The following CDC16 variants were observed in gnomAD, a reference collection of about 807,000 sequenced individuals.
The protein encoded by CDC16 is cell division cycle 16, also known as cell division cycle protein 16 homolog.
Under a neutral mutation model 87.0 loss-of-function variants are expected in CDC16, and 34 were observed. That is an observed-to-expected ratio of 0.39 (90% CI 0.30 to 0.52). The LOEUF (loss-of-function observed/expected upper bound fraction) is 0.52. Ranked by LOEUF, CDC16 falls within the 20% of genes least tolerant of loss-of-function variation. The pLI is 0.74. For synonymous variants in CDC16, 263 were observed against 260.6 expected (o/e 1.01, Z -0.09); for missense variants, 653 against 751.9 (o/e 0.87, Z 1.54).
At chr13:114,236,032 T>C (rs2081231519) in intron 1 of CDC16, among the ~76,000 whole-genome samples, 1 of 151,668 alleles carries the variant, frequency 6.6e-6, no homozygotes, top group African/African-American at 2.4e-5. Context: ...GCAGAGACTG[T>C]AGAAGACTGA....
chr13:114,271,902 C>T (rs17338417), intron 17 of CDC16, among the ~76,000 whole-genome samples: 1,583 of 152,302 alleles, frequency 0.01, 19 homozygotes, highest in Middle Eastern at 0.082. Flanking sequence ...GCATGTGCTT[C>T]TGAAAGTCTT....
chr13:114,257,155 G>A lies in CDC16; in HGVS notation c.1175G>A (p.Ser392Asn). 1 of 1,613,432 alleles carries A rather than the reference G, an allele frequency of 6.2e-7. No homozygotes were observed. Among genetic ancestry groups the A allele is most frequent in the Non-Finnish European group, 8.5e-7 (1 of 1,179,478 alleles). Residue 392 changes from serine (S) to asparagine (N), a missense_variant, in exon 13 of 18, where the codon AGC (serine) becomes AAC (asparagine). Ser to Asn is a conservative substitution (Grantham distance 46). Transcript: ENST00000356221. ...NNSKLAERFF[S>N]QALSIAPEDP... ...TCAAAACTAGCTGAAAGGTTCTTCA[G>A]CCAAGCTCTGAGCATTGCACCGGAA...
Position 114,261,908 on chromosome 13 carries a change from C to T in CDC16, c.1336C>T (p.Pro446Ser). Residue 446 changes from proline (P) to serine (S), a missense_variant, in exon 15 of 18, where the codon CCT (proline) becomes TCT (serine). Pro to Ser is a moderately conservative substitution (Grantham distance 74). Coordinates refer to ENST00000356221, the MANE Select transcript of CDC16 (RefSeq NM_001078645.3). ...GNEVTVDKWE[P>S]LLNNLGHVCR... The stretch of plus-strand genomic sequence containing the variant: ...TTAGGTAACAGTTGACAAATGGGAA[C>T]CTTTGTTGAACAACTTGGGGCATGT... 1 of 1,603,208 alleles carries T rather than the reference C, an allele frequency of 6.2e-7. No homozygotes were observed.
chr13:114,267,497 CAAAA>C (rs917075426), intron 17 of CDC16, among the ~76,000 whole-genome samples: 11 of 145,630 alleles, frequency 7.6e-5, no homozygotes, highest in African/African-American at 2.8e-4. Context: ...AATCTCAAAA[CAAAA>C]AAAAAAGTGC....
chr13:114,249,101 G>T (rs1192184696), intron 11 of CDC16, among the ~76,000 whole-genome samples: 2 of 151,750 alleles, frequency 1.3e-5, no homozygotes, highest in Non-Finnish European at 2.9e-5. Flanking sequence ...ATCAGTGGGA[G>T]CCCTGAGCTT....
rs982275821 is a variant in CDC16, at chr13:114,257,375, AAGAG to A, written c.1250+149_1250+152del. 7.9e-5 allele frequency: 47 copies of A among 597,938 alleles called. No homozygotes were observed. The African/African-American group carries it at 8.3e-4, about 11-fold the overall frequency. The allele number at this position is 597,938 out of a possible 1,614,324, so 37.0% of individuals were successfully genotyped here. On this transcript the variant is annotated intron_variant, in intron 13 of 17. Coordinates refer to ENST00000356221, the MANE Select transcript of CDC16 (RefSeq NM_001078645.3). The stretch of plus-strand genomic sequence containing the variant: ...TTTTAGGAGAAGGAGATAGAAAAAA[AAGAG>A]AGAAACTGTTATCTTGGATTTCCTT...
Position 114,246,826 on chromosome 13 carries a change from G to A in CDC16, c.898-105G>A, listed in dbSNP as rs2081897915. The A allele has an allele frequency of 4.0e-6, 3 of 748,992 alleles. No individual in the cohort carries two copies. The East Asian group carries it at 7.4e-5, about 18-fold the overall frequency. The allele number at this position is 748,992 out of a possible 1,614,324, so 46.4% of individuals were successfully genotyped here. A position where few individuals can be genotyped will look rare whatever the true frequency, so the allele number is the denominator to read the frequency against. On this transcript the variant is annotated intron_variant, in intron 10 of 17. Transcript: ENST00000356221. ...AATGTCTAACTTAACTAGAATATGT[G>A]ATAAGGAACATGTAGTATACCCTCT...
chr13:114,242,972 A>G (rs1017618115), intron 6 of CDC16, among the ~76,000 whole-genome samples: 3 of 152,132 alleles, frequency 2.0e-5, no homozygotes, highest in African/African-American at 7.2e-5. Context: ...TTCCCAGCAG[A>G]GCAAGATCCA....
intron 1 of CDC16, among the ~76,000 whole-genome samples, chr13:114,235,375 T>G (rs1594537438): frequency 6.6e-6 from 1 of 152,364 alleles, no homozygotes; most frequent in East Asian, 1.9e-4. Flanking sequence ...CAGTCGGGTC[T>G]GAGCCTCGTT....
At chr13:114,238,831 CATA>C (rs1315691261) in intron 3 of CDC16, among the ~76,000 whole-genome samples, 156 bp from the exon 4 acceptor site, 1 of 152,132 alleles carries the variant, frequency 6.6e-6, no homozygotes, top group Non-Finnish European at 1.5e-5. Flanking sequence ...ACAGTAGGTT[CATA>C]ATAAATATGG....
chr13:114,238,030 C>T lies in CDC16; in HGVS notation c.202-960C>T, dbSNP rs200827791. Among the ~76,000 whole-genome samples, 70 of 152,176 alleles carry T rather than the reference C, an allele frequency of 4.6e-4. 1 individual carries two copies. The highest frequency in any genetic ancestry group is 5.9e-4 in the Admixed American group (9 of 15,280). ...TCCACCACCATCAATACCTGGAGCACGTGCTCCAGTCACGTGGTGCTGCTG... is the reference window on the plus strand; with the variant it reads ...TCCACCACCATCAATACCTGGAGCATGTGCTCCAGTCACGTGGTGCTGCTG... On this transcript the variant is annotated intron_variant, in intron 3 of 17. Transcript: ENST00000356221.
rs778293039 is a variant in CDC16 at position 114,250,627 on chromosome 13, C to T, written c.1050C>T (p.His350=). ...YGHSFAVESE[H]DQAMAAYFTA... is the part of the protein sequence containing the mutation. The stretch of plus-strand genomic sequence containing the variant: ...ATTCATTTGCGGTGGAGAGTGAGCA[C>T]GACCAAGCGATGGCTGCTTACTTCA... The change falls in exon 12 of 18, where the codon CAC becomes CAT. Residue 350 remains histidine (H), a synonymous_variant. Transcript: ENST00000356221. 13 of 1,613,880 alleles carry T rather than the reference C, an allele frequency of 8.1e-6. No homozygotes were observed. In the East Asian group the frequency reaches 1.3e-4, roughly 17 times the overall value.
intron 6 of CDC16, 172 bp downstream of exon 6, chr13:114,242,452 G>A (rs2081599818): frequency 4.9e-6 from 3 of 612,744 alleles, no homozygotes; most frequent in South Asian, 2.1e-5. Context: ...AGTATTGTAC[G>A]GTGCCTTGTG....
chr13:114,262,020 A>G (rs912309206), intron 15 of CDC16, 72 bp downstream of exon 15: 1 of 911,692 alleles, frequency 1.1e-6, no homozygotes, highest in Non-Finnish European at 1.7e-6. Context: ...ATACTTTGTC[A>G]TATTCTTATT....
intron 10 of CDC16, 26 bp downstream of exon 10, chr13:114,246,075 GTT>G (rs201167565): frequency 8.2e-4 from 713 of 874,780 alleles, no homozygotes; most frequent in South Asian, 1.2e-3. Flanking sequence ...TTTAGTCTTA[GTT>G]TTTTTTTTTT....
At chr13:114,240,722 G>C (rs1190486856) in intron 5 of CDC16, among the ~76,000 whole-genome samples, 1 of 151,974 alleles carries the variant, frequency 6.6e-6, no homozygotes, top group Non-Finnish European at 1.5e-5. Flanking sequence ...TTATTTTTAA[G>C]CATAAAAGAA....
At chr13:114,258,213 AATC>A (rs2082628763) in intron 13 of CDC16, among the ~76,000 whole-genome samples, 1 of 152,244 alleles carries the variant, frequency 6.6e-6, no homozygotes, top group South Asian at 2.1e-4. Flanking sequence ...ATAATACAGT[AATC>A]ATCAGTATTT....
intron 13 of CDC16, 125 bp downstream of exon 13, chr13:114,257,355 G>T: frequency 1.6e-6 from 1 of 623,304 alleles, no homozygotes; most frequent in Non-Finnish European, 2.6e-6. Context: ...TTCTATTTTA[G>T]GAGAAGGAGA....
At chr13:114,266,700 T>G (rs2083238774) in intron 17 of CDC16, among the ~76,000 whole-genome samples, 1 of 141,884 alleles carries the variant, frequency 7.0e-6, no homozygotes, top group Non-Finnish European at 1.5e-5. Flanking sequence ...TACTGAATCT[T>G]TTTTTTTTTT....
Sources: gnomAD v4.1 joint callset for allele counts (sites outside exome capture counted in the v4.1 genomes callset) on GRCh38, gnomAD v4.1.1 for gene constraint, MANE v1.5 for transcripts, NCBI Gene and HGNC (gene_info 2026-07-23, HGNC 2026-07-21) for gene names.